The following RAD51B variants were observed in gnomAD, a reference collection of about 807,000 sequenced individuals.
RAD51B encodes RAD51 paralog B, also known as DNA repair protein RAD51 homolog 2.
RAD51B carries 38 observed loss-of-function variants against 42.2 expected under a neutral mutation model. The ratio of observed to expected loss-of-function variants is 0.90; its 90% confidence interval spans 0.70 to 1.18. RAD51B has a LOEUF of 1.18. Ranked by LOEUF, RAD51B falls within the 50% of genes most tolerant of loss-of-function variation. RAD51B has a pLI of 0.00. For missense variants in RAD51B, 373 were observed against 400.7 expected (o/e 0.93, Z 0.59); for synonymous variants, 154 against 145.2 (o/e 1.06, Z -0.43).
chr14:68,631,653 G>T (rs140382842), intron 10 of RAD51B, among the ~76,000 whole-genome samples: 1 of 152,142 alleles, frequency 6.6e-6, no homozygotes, highest in Non-Finnish European at 1.5e-5. Flanking sequence ...TTGGGCACTC[G>T]TCCCTTTACC....
intron 4 of RAD51B, among the ~76,000 whole-genome samples, chr14:67,836,780 G>A (rs1387342066): frequency 6.6e-6 from 1 of 152,166 alleles, no homozygotes; most frequent in African/African-American, 2.4e-5. Flanking sequence ...TTTGGAGGAA[G>A]AAGTGTCAGG....
chr14:68,390,123 G>A (rs576116650), intron 8 of RAD51B, among the ~76,000 whole-genome samples: 1 of 152,216 alleles, frequency 6.6e-6, no homozygotes, highest in South Asian at 2.1e-4. Context: ...TAACATTTTG[G>A]AATCCTTGAA....
chr14:68,306,267 C>T (rs538622840), intron 8 of RAD51B, among the ~76,000 whole-genome samples: 1 of 152,280 alleles, frequency 6.6e-6, no homozygotes, highest in African/African-American at 2.4e-5. Context: ...TAGGAGATTG[C>T]AATTCACAAG....
chr14:67,822,431 C>T (rs538358306), intron 1 of RAD51B: 3 of 152,248 alleles, frequency 2.0e-5, no homozygotes, highest in Non-Finnish European at 4.4e-5. Context: ...AATCCCAGCA[C>T]TTTAGGAGGT....
intron 8 of RAD51B, chr14:68,339,038 G>A (rs1234544967): frequency 9.0e-6 from 6 of 663,510 alleles, no homozygotes; most frequent in African/African-American, 7.1e-5. Flanking sequence ...CAGCCAGCTC[G>A]ATGGGATCGA....
intron 11 of RAD51B, among the ~76,000 whole-genome samples, chr14:68,673,633 CACAT>C (rs373108638): frequency 0.029 from 4,386 of 152,022 alleles, 133 homozygotes; most frequent in African/African-American, 0.08. Flanking sequence ...ACTGTGCACA[CACAT>C]ATGTATACAT....
chr14:68,461,908 C>T (rs1272158934), intron 9 of RAD51B, among the ~76,000 whole-genome samples: 1 of 152,202 alleles, frequency 6.6e-6, no homozygotes, highest in East Asian at 1.9e-4. Context: ...CTCTGTGTTT[C>T]TACTTGTCAT....
chr14:68,365,881 A>AT (rs1202261061), intron 8 of RAD51B, among the ~76,000 whole-genome samples: 2 of 152,090 alleles, frequency 1.3e-5, no homozygotes, highest in African/African-American at 4.8e-5. Flanking sequence ...GAAATATAAT[A>AT]TTTTTTCACT....
chr14:68,380,581 G>T (rs930243948), intron 8 of RAD51B, among the ~76,000 whole-genome samples: 6 of 152,076 alleles, frequency 3.9e-5, no homozygotes, highest in Non-Finnish European at 5.9e-5. Context: ...ATGAAGGATC[G>T]CTGGCTTTTA....
chr14:68,647,616 C>T (rs1213782078), intron 10 of RAD51B, among the ~76,000 whole-genome samples: 3 of 152,160 alleles, frequency 2.0e-5, no homozygotes, highest in African/African-American at 7.2e-5. Flanking sequence ...TGAATACACA[C>T]AGTCCTCACC....
At chr14:68,004,116 G>A (rs1304495870) in intron 7 of RAD51B, among the ~76,000 whole-genome samples, 1 of 152,008 alleles carries the variant, frequency 6.6e-6, no homozygotes, top group Non-Finnish European at 1.5e-5. Context: ...GGATCACAAG[G>A]TCTGGAGATC....
At chr14:68,620,332 C>T (rs1891919531) in intron 10 of RAD51B, among the ~76,000 whole-genome samples, 1 of 152,172 alleles carries the variant, frequency 6.6e-6, no homozygotes, top group Admixed American at 6.5e-5. Flanking sequence ...GCAACCTTCC[C>T]TACAGCCTCT....
At chr14:68,535,643 G>C (rs1887572992) in intron 10 of RAD51B, among the ~76,000 whole-genome samples, 1 of 152,188 alleles carries the variant, frequency 6.6e-6, no homozygotes, top group Admixed American at 6.5e-5. Flanking sequence ...GAAGTGCTAG[G>C]ATTCTGCTGG....
intron 7 of RAD51B, among the ~76,000 whole-genome samples, chr14:68,276,106 C>T (rs2081218971): frequency 6.6e-6 from 1 of 152,150 alleles, no homozygotes; most frequent in South Asian, 2.1e-4. Flanking sequence ...AATACCTGTG[C>T]TGTTATTATA....
At chr14:68,250,075 A>T (rs529200700) in intron 7 of RAD51B, among the ~76,000 whole-genome samples, 1 of 152,204 alleles carries the variant, frequency 6.6e-6, no homozygotes, top group Non-Finnish European at 1.5e-5. Context: ...GCTTTAGTGA[A>T]TAAATGTGTT....
At chr14:68,503,525 G>A (rs773860283) in intron 10 of RAD51B, among the ~76,000 whole-genome samples, 4 of 152,130 alleles carry the variant, frequency 2.6e-5, no homozygotes, top group African/African-American at 4.8e-5. Context: ...ACCTTACCCT[G>A]GGAGATGAAT....
At chr14:68,055,481 CAT>C (rs760164760) in intron 7 of RAD51B, among the ~76,000 whole-genome samples, 3 of 152,108 alleles carry the variant, frequency 2.0e-5, no homozygotes, top group Non-Finnish European at 4.4e-5. Context: ...TGAGAGCAAT[CAT>C]GTGATAGCAG....
At chr14:68,329,936 C>T (rs1305966665) in intron 8 of RAD51B, among the ~76,000 whole-genome samples, 3 of 145,874 alleles carry the variant, frequency 2.1e-5, no homozygotes, top group Admixed American at 1.4e-4. Flanking sequence ...GAGCCGAGAT[C>T]GTGCCACAGC....
intron 7 of RAD51B, among the ~76,000 whole-genome samples, chr14:68,143,054 T>C (rs2078165767): frequency 6.7e-6 from 1 of 150,048 alleles, no homozygotes; most frequent in Non-Finnish European, 1.5e-5. Context: ...TGAGATGGAG[T>C]CCTAAAGGAA....
Sources: allele counts gnomAD v4.1 joint callset (sites outside exome capture counted in the v4.1 genomes callset), GRCh38; gene constraint gnomAD v4.1.1; transcripts MANE v1.5; gene names NCBI Gene and HGNC (gene_info 2026-07-23, HGNC 2026-07-21).